SYNPR: variants seen among roughly 807,000 people sequenced by gnomAD.
The protein encoded by SYNPR is synaptoporin.
A neutral mutation model predicts 32.9 loss-of-function variants in SYNPR; 23 were observed. That is an observed-to-expected ratio of 0.70 (90% CI 0.50 to 0.99). The LOEUF (loss-of-function observed/expected upper bound fraction) is 0.99, where lower values mean the gene tolerates loss of function less well. Ranked by LOEUF, SYNPR falls within the 50% of genes least tolerant of loss-of-function variation. The pLI, the probability that SYNPR is intolerant of heterozygous loss-of-function variation, is 0.00. For synonymous variants in SYNPR, 146 were observed against 135.9 expected, an observed-to-expected ratio of 1.07 and a Z score of -0.52; for missense variants, 318 against 349.3, an observed-to-expected ratio of 0.91 and a Z score of 0.71.
At chr3:63,276,620 T>TTCCCC (rs1560175989), upstream of SYNPR, among the ~76,000 whole-genome samples, 1 of 142,036 alleles carries the variant, frequency 7.0e-6, no homozygotes, top group African/African-American at 2.6e-5. Flanking sequence ...TAGTGTTAGT[T>TTCCCC]CCCCCCACCC....
intron 2 of SYNPR, among the ~76,000 whole-genome samples, chr3:63,410,353 G>C (rs2088445899): frequency 6.6e-6 from 1 of 152,138 alleles, no homozygotes; most frequent in African/African-American, 2.4e-5. Context: ...ACTGCTTTCT[G>C]TCATCTCAAA....
intron 2 of SYNPR, among the ~76,000 whole-genome samples, chr3:63,413,722 A>T (rs899908005): frequency 1.3e-5 from 2 of 152,136 alleles, no homozygotes; most frequent in African/African-American, 4.8e-5. Context: ...CTGCTGTTAC[A>T]TGTAAGTTGC....
chr3:63,608,191 T>G (rs893403986), intron 4 of SYNPR, among the ~76,000 whole-genome samples: 1 of 152,080 alleles, frequency 6.6e-6, no homozygotes, highest in Non-Finnish European at 1.5e-5. Context: ...TGAGGGAGGA[T>G]GAGAGACGTA....
intron 2 of SYNPR, among the ~76,000 whole-genome samples, chr3:63,379,991 T>A (rs1251097025): frequency 1.3e-5 from 2 of 152,194 alleles, no homozygotes; most frequent in Non-Finnish European, 2.9e-5. Flanking sequence ...TCCAGCTTCA[T>A]CCACGTCCCT....
At chr3:63,517,786 T>C (rs1701828456) in intron 3 of SYNPR, among the ~76,000 whole-genome samples, 1 of 152,210 alleles carries the variant, frequency 6.6e-6, no homozygotes. Flanking sequence ...GGAGAGGCTA[T>C]AGCCAACTCA....
chr3:63,383,581 A>G (rs1392760984), intron 2 of SYNPR, among the ~76,000 whole-genome samples: 11 of 152,068 alleles, frequency 7.2e-5, no homozygotes, highest in Admixed American at 5.9e-4. Flanking sequence ...GCCAGGCATG[A>G]TTGCAGTGAG....
At chr3:63,342,341 T>C (rs2087380942) in intron 2 of SYNPR, among the ~76,000 whole-genome samples, 1 of 152,206 alleles carries the variant, frequency 6.6e-6, no homozygotes, top group African/African-American at 2.4e-5. Context: ...TTACTGGATT[T>C]TGTCTAATAT....
At chr3:63,451,182 C>T (rs892928055) in intron 2 of SYNPR, among the ~76,000 whole-genome samples, 2 of 152,140 alleles carry the variant, frequency 1.3e-5, no homozygotes, top group Non-Finnish European at 2.9e-5. Flanking sequence ...TAGGAAAGTA[C>T]TGTTGAAACT....
intron 4 of SYNPR, among the ~76,000 whole-genome samples, chr3:63,589,348 T>C (rs540606898): frequency 3.3e-5 from 5 of 152,254 alleles, no homozygotes; most frequent in Non-Finnish European, 7.4e-5. Flanking sequence ...TCTTTTGTGA[T>C]TGATTAACAG....
intron 2 of SYNPR, among the ~76,000 whole-genome samples, chr3:63,309,743 T>C (rs1356197754): frequency 6.6e-6 from 1 of 151,978 alleles, no homozygotes; most frequent in Non-Finnish European, 1.5e-5. Context: ...CACATGCATG[T>C]GCTGACCACT....
upstream of SYNPR, among the ~76,000 whole-genome samples, chr3:63,224,847 G>C (rs576490790): frequency 1.3e-5 from 2 of 152,326 alleles, no homozygotes; most frequent in African/African-American, 4.8e-5. Flanking sequence ...TTGAGCAACA[G>C]AGTCTCAAGA....
At chr3:63,288,810 A>G (rs2086710819) in intron 2 of SYNPR, among the ~76,000 whole-genome samples, 1 of 152,146 alleles carries the variant, frequency 6.6e-6, no homozygotes, top group African/African-American at 2.4e-5. Flanking sequence ...GAGTCATTGG[A>G]TTGCCTTGTG....
At chr3:63,597,275 A>G (rs918969832) in intron 4 of SYNPR, among the ~76,000 whole-genome samples, 3 of 152,200 alleles carry the variant, frequency 2.0e-5, no homozygotes, top group African/African-American at 7.2e-5. Flanking sequence ...GTTTTTGAAT[A>G]AGACCCTGGA....
chr3:63,374,119 A>G (rs2087853453), intron 2 of SYNPR, among the ~76,000 whole-genome samples: 1 of 152,152 alleles, frequency 6.6e-6, no homozygotes, highest in Non-Finnish European at 1.5e-5. Flanking sequence ...AGCCACTACA[A>G]TTTTCAAGGG....
At chr3:63,474,266 T>G (rs1700859302) in intron 2 of SYNPR, among the ~76,000 whole-genome samples, 1 of 152,132 alleles carries the variant, frequency 6.6e-6, no homozygotes, top group African/African-American at 2.4e-5. Context: ...CTTGCTCCAG[T>G]CTCAGGCCAA....
At chr3:63,363,277 C>T (rs2107038103) in intron 2 of SYNPR, among the ~76,000 whole-genome samples, 1 of 152,242 alleles carries the variant, frequency 6.6e-6, no homozygotes, top group East Asian at 1.9e-4. Context: ...GGGAAGATTT[C>T]AGAAAAAATA....
chr3:63,515,882 AT>A (rs569167446), intron 3 of SYNPR, among the ~76,000 whole-genome samples: 4 of 151,688 alleles, frequency 2.6e-5, no homozygotes, highest in Admixed American at 6.6e-5. Context: ...ACATTAAATT[AT>A]TTTTTTTACA....
intron 1 of SYNPR, among the ~76,000 whole-genome samples, chr3:63,230,059 G>A (rs1458787943): frequency 6.6e-6 from 1 of 152,096 alleles, no homozygotes; most frequent in Non-Finnish European, 1.5e-5. Flanking sequence ...TTGCTCCCTT[G>A]AGTAGAAATT....
At chr3:63,523,755 T>C (rs1450186839) in intron 3 of SYNPR, among the ~76,000 whole-genome samples, 1 of 152,130 alleles carries the variant, frequency 6.6e-6, no homozygotes, top group Non-Finnish European at 1.5e-5. Context: ...GCATGTCGAG[T>C]CTTAGAATTT....
Sources: gnomAD v4.1 joint callset for allele counts (sites outside exome capture counted in the v4.1 genomes callset) on GRCh38, gnomAD v4.1.1 for gene constraint, MANE v1.5 for transcripts, NCBI Gene and HGNC (gene_info 2026-07-23, HGNC 2026-07-21) for gene names.